The following BABAM2 variants were observed in gnomAD, a reference collection of about 807,000 sequenced individuals.
BABAM2 encodes BRISC and BRCA1-A complex member 2.
In BABAM2, 31 loss-of-function variants were observed where a neutral mutation model predicts 54.7. That is an observed-to-expected ratio of 0.57 (90% confidence interval 0.43 to 0.77). The LOEUF (loss-of-function observed/expected upper bound fraction) is 0.77. Ranked by LOEUF, BABAM2 falls within the 30% of genes least tolerant of loss-of-function variation. The pLI, the probability that BABAM2 is intolerant of heterozygous loss-of-function variation, is 0.00. For missense variants in BABAM2, 364 were observed against 455.8 expected (o/e 0.80, Z 1.83); for synonymous variants, 167 against 162.9 (o/e 1.03, Z -0.19).
intron 4 of BABAM2, among the ~76,000 whole-genome samples, chr2:28,008,389 C>T (rs1458727566): frequency 6.6e-6 from 1 of 152,064 alleles, no homozygotes; most frequent in Non-Finnish European, 1.5e-5. Context: ...GCTACGAACT[C>T]AAATGTCTGA....
chr2:28,314,679 C>T (rs570248283), intron 11 of BABAM2, among the ~76,000 whole-genome samples: 5 of 152,312 alleles, frequency 3.3e-5, no homozygotes, highest in African/African-American at 7.2e-5. Flanking sequence ...TCCCTGCTTT[C>T]GGTGAACTAG....
intron 3 of BABAM2, among the ~76,000 whole-genome samples, chr2:27,947,097 CTTTG>C (rs778153960): frequency 6.6e-5 from 10 of 151,786 alleles, no homozygotes; most frequent in Non-Finnish European, 1.5e-4. Flanking sequence ...GTTTTCTGCT[CTTTG>C]TTTATGCTTG....
At chr2:28,309,858 T>C (rs1270694436) in intron 11 of BABAM2, 2 of 513,576 alleles carry the variant, frequency 3.9e-6, no homozygotes, top group African/African-American at 1.9e-5. Context: ...GAGAAGACAA[T>C]AAAGTCAGTG....
chr2:28,138,597 A>T (rs1485091068), intron 7 of BABAM2, among the ~76,000 whole-genome samples: 2 of 152,160 alleles, frequency 1.3e-5, no homozygotes, highest in Non-Finnish European at 2.9e-5. Context: ...AATAGTCATT[A>T]TATCTTCATA....
At chr2:28,235,383 G>A (rs1365312763) in intron 7 of BABAM2, among the ~76,000 whole-genome samples, 1 of 151,822 alleles carries the variant, frequency 6.6e-6, no homozygotes, top group Non-Finnish European at 1.5e-5. Flanking sequence ...CACCATGTTG[G>A]CCAGAATGGT....
intron 6 of BABAM2, among the ~76,000 whole-genome samples, chr2:28,048,648 C>T (rs553753928): frequency 3.3e-5 from 5 of 152,262 alleles, no homozygotes; most frequent in South Asian, 4.2e-4. Context: ...ACAGATCAGG[C>T]GTAGACCAAC....
intron 3 of BABAM2, 151 bp downstream of exon 3, chr2:27,930,059 C>A: frequency 1.5e-6 from 1 of 675,966 alleles, no homozygotes; most frequent in Non-Finnish European, 2.4e-6. Flanking sequence ...CCATTCAATT[C>A]TAGTTTGATT....
chr2:27,904,944 C>G (rs2148288309), intron 2 of BABAM2, among the ~76,000 whole-genome samples: 1 of 152,180 alleles, frequency 6.6e-6, no homozygotes, highest in Admixed American at 6.5e-5. Flanking sequence ...TATGGCAGAC[C>G]TAGAAAGCAG....
intron 3 of BABAM2, among the ~76,000 whole-genome samples, chr2:27,957,358 G>A (rs538798986): frequency 2.0e-5 from 3 of 151,882 alleles, no homozygotes; most frequent in African/African-American, 7.2e-5. Flanking sequence ...ATTTTTTTTG[G>A]CACCATCATA....
rs1690069355 is a variant in BABAM2, at chr2:28,322,094, T to C, written c.1089-16356T>C. 6.6e-6 allele frequency among the ~76,000 whole-genome samples: 1 copy of C among 152,132 alleles called. No individual in the cohort carries two copies. The highest frequency in any genetic ancestry group is 1.5e-5 in the Non-Finnish European group (1 of 68,030). On this transcript the variant is annotated intron_variant, in intron 11 of 11. Coordinates refer to ENST00000379624, the MANE Select transcript of BABAM2 (RefSeq NM_199191.3). This position sits in a 1 kb window ranked among gnomAD's most constrained non-coding sequence, Gnocchi z 4.1. The stretch of plus-strand genomic sequence containing the variant: ...ATTCAACAGAAAATTAGGGTACTTC[T>C]GTGTCACTGAGGTGCAGCCCCAGTG...
At chr2:28,110,253 G>A (rs1376218268) in intron 6 of BABAM2, among the ~76,000 whole-genome samples, 1 of 152,056 alleles carries the variant, frequency 6.6e-6, no homozygotes, top group East Asian at 1.9e-4. Context: ...TATATACCAT[G>A]TTTTGCTTTT....
At chr2:28,137,692 A>G (rs1238011243) in intron 7 of BABAM2, among the ~76,000 whole-genome samples, 1 of 152,154 alleles carries the variant, frequency 6.6e-6, no homozygotes, top group Non-Finnish European at 1.5e-5. Flanking sequence ...TAAGTTAGTG[A>G]TATCTCAGTG....
At chr2:28,232,561 A>G (rs1681509394) in intron 7 of BABAM2, among the ~76,000 whole-genome samples, 1 of 152,220 alleles carries the variant, frequency 6.6e-6, no homozygotes, top group East Asian at 1.9e-4. Flanking sequence ...AGAGCCTACT[A>G]CACGCCTAGG....
intron 2 of BABAM2, among the ~76,000 whole-genome samples, chr2:27,921,947 A>G (rs1667373710): frequency 6.6e-6 from 1 of 152,174 alleles, no homozygotes. Context: ...AATCATGAAA[A>G]GAGTACAACA....
At chr2:28,205,416 T>A (rs544445866) in intron 7 of BABAM2, among the ~76,000 whole-genome samples, 1 of 145,496 alleles carries the variant, frequency 6.9e-6, no homozygotes, top group Non-Finnish European at 1.6e-5. Flanking sequence ...GGCAGAAGGA[T>A]CACTTGAACC....
At chr2:28,291,964 G>C (rs1402461405) in intron 10 of BABAM2, among the ~76,000 whole-genome samples, 1 of 152,176 alleles carries the variant, frequency 6.6e-6, no homozygotes, top group Non-Finnish European at 1.5e-5. Context: ...TTGCTCTCAG[G>C]AACAATCAGC....
At chr2:28,155,360 T>C (rs905316451) in intron 7 of BABAM2, among the ~76,000 whole-genome samples, 6 of 152,184 alleles carry the variant, frequency 3.9e-5, no homozygotes, top group African/African-American at 1.4e-4. Flanking sequence ...GTTCTTAAGG[T>C]ACCAGGTTAA....
chr2:28,031,498 A>G (rs1240898642), intron 5 of BABAM2, among the ~76,000 whole-genome samples: 2 of 152,174 alleles, frequency 1.3e-5, no homozygotes, highest in African/African-American at 2.4e-5. Flanking sequence ...GCACTTTAGT[A>G]GGGCTCAGCC....
At chr2:28,221,061 A>G (rs1396406358) in intron 7 of BABAM2, among the ~76,000 whole-genome samples, 25 of 151,938 alleles carry the variant, frequency 1.6e-4, no homozygotes, top group Non-Finnish European at 2.9e-5. Flanking sequence ...CAGTTAACCT[A>G]GGTGTCTCTC....
Sources: allele counts gnomAD v4.1 joint callset (sites outside exome capture counted in the v4.1 genomes callset), GRCh38; gene constraint gnomAD v4.1.1; non-coding constraint Gnocchi (gnomAD v3.1); transcripts MANE v1.5; gene names NCBI Gene and HGNC (gene_info 2026-07-23, HGNC 2026-07-21).